Variants in PACSIN2 observed in about 807,000 individuals in gnomAD.
The protein encoded by PACSIN2 is protein kinase C and casein kinase substrate in neurons 2, also known as protein kinase C and casein kinase substrate in neurons protein 2.
A neutral mutation model predicts 63.8 loss-of-function variants in PACSIN2; 25 were observed. The ratio of observed to expected loss-of-function variants is 0.39; its 90% CI spans 0.29 to 0.55. The LOEUF (loss-of-function observed/expected upper bound fraction) is 0.55, where lower values mean the gene tolerates loss of function less well. Among genes scored for constraint, PACSIN2 ranks in the 20% least tolerant of loss-of-function variants. The pLI is 0.62. For missense variants in PACSIN2, 518 were observed against 646.9 expected (o/e 0.80, Z 2.16); for synonymous variants, 255 against 256.2 (o/e 1.00, Z 0.05).
At chr22:43,010,398 A>ATATATATATATATATATATTTTTTT in intron 1 of PACSIN2, among the ~76,000 whole-genome samples, 146 of 126,372 alleles carry the variant, frequency 1.2e-3, no homozygotes, top group South Asian at 1.9e-3. Flanking sequence ...ATATATATAT[A>ATATATATATATATATATATTTTTTT]TTTTTTTTTA....
At chr22:42,911,102 C>T (rs1931423633) in intron 2 of PACSIN2, among the ~76,000 whole-genome samples, 1 of 151,942 alleles carries the variant, frequency 6.6e-6, no homozygotes, top group African/African-American at 2.4e-5. Context: ...GATGGGGTTT[C>T]ACCATGTTGG....
chr22:42,925,909 C>T (rs545392747), intron 1 of PACSIN2, among the ~76,000 whole-genome samples: 4 of 152,222 alleles, frequency 2.6e-5, no homozygotes, highest in East Asian at 1.9e-4. Context: ...TGGCTCAGCT[C>T]GGGCTATTCA....
chr22:42,895,370 G>A (rs1465324824), intron 2 of PACSIN2, among the ~76,000 whole-genome samples: 1 of 152,144 alleles, frequency 6.6e-6, no homozygotes, highest in Non-Finnish European at 1.5e-5. Context: ...GAGGTAACAC[G>A]GCCCTAACTT....
chr22:42,979,523 CAAAAAAAA>C (rs768725896), intron 1 of PACSIN2, among the ~76,000 whole-genome samples: 14 of 61,644 alleles, frequency 2.3e-4, no homozygotes, highest in African/African-American at 6.2e-4. Context: ...GACTCCCTCT[CAAAAAAAA>C]AAAAAAAAAA....
chr22:42,963,114 C>T (rs1360745912), intron 1 of PACSIN2, among the ~76,000 whole-genome samples: 2 of 152,196 alleles, frequency 1.3e-5, no homozygotes, highest in Non-Finnish European at 2.9e-5. Context: ...TCATCAAAGA[C>T]TGGAAACCAT....
intron 1 of PACSIN2, among the ~76,000 whole-genome samples, chr22:42,914,575 C>T (rs1002100232): frequency 2.0e-5 from 3 of 152,152 alleles, no homozygotes; most frequent in Non-Finnish European, 4.4e-5. Context: ...AGTCGCCTCA[C>T]CCCATGTTTC....
intron 7 of PACSIN2, chr22:42,880,686 G>A (rs1315706608): frequency 2.6e-5 from 4 of 152,242 alleles, no homozygotes; most frequent in Non-Finnish European, 4.4e-5. Context: ...CGTAACAGCT[G>A]CAAATGTGCG....
intron 1 of PACSIN2, among the ~76,000 whole-genome samples, chr22:43,004,609 C>T (rs936032155): frequency 1.3e-5 from 2 of 152,192 alleles, no homozygotes; most frequent in African/African-American, 4.8e-5. Flanking sequence ...TCTTGGCACG[C>T]TCGGTTGGCG....
chr22:43,002,960 G>A (rs764138439), intron 1 of PACSIN2, among the ~76,000 whole-genome samples: 12 of 152,190 alleles, frequency 7.9e-5, no homozygotes, highest in Non-Finnish European at 1.5e-4. Flanking sequence ...AAACAGCGAG[G>A]TCAGTTCAAG....
At chr22:42,949,100 C>G (rs1933562549) in intron 1 of PACSIN2, among the ~76,000 whole-genome samples, 1 of 152,178 alleles carries the variant, frequency 6.6e-6, no homozygotes, top group African/African-American at 2.4e-5. Context: ...ACAAACCAGC[C>G]TGAGCAACAA....
intron 2 of PACSIN2, among the ~76,000 whole-genome samples, chr22:42,894,315 A>G (rs1474345952): frequency 6.6e-6 from 1 of 151,922 alleles, no homozygotes; most frequent in South Asian, 2.1e-4. Context: ...ATCTCGGCTC[A>G]CTGCAACCTC....
chr22:42,889,813 T>G (rs946738245), intron 4 of PACSIN2, among the ~76,000 whole-genome samples: 1 of 151,998 alleles, frequency 6.6e-6, no homozygotes, highest in African/African-American at 2.4e-5. Flanking sequence ...ATGGCTTTGG[T>G]TGCTACTTTT....
At chr22:42,985,712 C>T (rs1922560667) in intron 1 of PACSIN2, among the ~76,000 whole-genome samples, 1 of 152,218 alleles carries the variant, frequency 6.6e-6, no homozygotes, top group Non-Finnish European at 1.5e-5. Context: ...AACCTTCTGT[C>T]TGCCTCTTCA....
chr22:42,910,168 T>C (rs986045015), intron 2 of PACSIN2, among the ~76,000 whole-genome samples: 3 of 152,166 alleles, frequency 2.0e-5, no homozygotes, highest in Non-Finnish European at 2.9e-5. Flanking sequence ...CCTGTCCCCA[T>C]TGCCTCTCCT....
intron 3 of PACSIN2, among the ~76,000 whole-genome samples, chr22:42,891,424 G>C (rs905455277): frequency 1.3e-5 from 2 of 152,048 alleles, no homozygotes; most frequent in Admixed American, 6.6e-5. Flanking sequence ...TTTTGGGATG[G>C]AGTTTCGCTC....
intron 1 of PACSIN2, among the ~76,000 whole-genome samples, chr22:42,916,378 T>G (rs1329308322): frequency 2.9e-5 from 4 of 135,978 alleles, no homozygotes; most frequent in Non-Finnish European, 4.6e-5. Context: ...TCATTTCTGA[T>G]GTTCACAGAG....
intron 1 of PACSIN2, among the ~76,000 whole-genome samples, chr22:42,954,049 T>C (rs1483478248): frequency 6.6e-6 from 1 of 152,030 alleles, no homozygotes; most frequent in African/African-American, 2.4e-5. Flanking sequence ...TCACTTGAGG[T>C]CAGGAGTTCG....
At chr22:42,981,547 G>A (rs1417658571) in intron 1 of PACSIN2, among the ~76,000 whole-genome samples, 133 of 91,780 alleles carry the variant, frequency 1.4e-3, no homozygotes, top group African/African-American at 2.5e-3. Context: ...CCGCCCGGCC[G>A]GCCGCCCCGT....
chr22:43,010,385 C>CATATAT (rs1253098949), intron 1 of PACSIN2, among the ~76,000 whole-genome samples: 2 of 66,124 alleles, frequency 3.0e-5, no homozygotes, highest in African/African-American at 5.8e-5. Flanking sequence ...TTTAAAAATA[C>CATATAT]ATATATATAT....
Sources: allele counts gnomAD v4.1 joint callset (sites outside exome capture counted in the v4.1 genomes callset), GRCh38; gene constraint gnomAD v4.1.1; transcripts MANE v1.5; gene names NCBI Gene and HGNC (gene_info 2026-07-23, HGNC 2026-07-21).